The following GABRP variants were observed in gnomAD, a reference collection of about 807,000 sequenced individuals.
GABRP encodes gamma-aminobutyric acid type A receptor subunit pi.
In GABRP, 52 loss-of-function variants were observed where a neutral mutation model predicts 47.8. The observed-to-expected ratio is 1.09, with a 90% confidence interval of 0.87 to 1.37. GABRP has a LOEUF of 1.37. Among genes scored for constraint, GABRP ranks in the 40% most tolerant of loss-of-function variants. The pLI is 0.00. For synonymous variants in GABRP, 221 were observed against 205.8 expected, an observed-to-expected ratio of 1.07 and a Z score of -0.63; for missense variants, 525 against 542.8, an observed-to-expected ratio of 0.97 and a Z score of 0.33.
chr5:170,785,649 G>T (rs1319461513), intron 1 of GABRP, among the ~76,000 whole-genome samples: 1 of 152,186 alleles, frequency 6.6e-6, no homozygotes, highest in Non-Finnish European at 1.5e-5. Flanking sequence ...ACAGAAGTTT[G>T]GCCACTGGGA....
chr5:170,784,758 G>A (rs1765086601), intron 1 of GABRP, among the ~76,000 whole-genome samples: 1 of 152,198 alleles, frequency 6.6e-6, no homozygotes, highest in Non-Finnish European at 1.5e-5. Flanking sequence ...TTTGTCAGAT[G>A]GGAAAACTGA....
chr5:170,791,155 G>A (rs906048849), intron 3 of GABRP, among the ~76,000 whole-genome samples: 4 of 152,206 alleles, frequency 2.6e-5, no homozygotes, highest in Non-Finnish European at 5.9e-5. Flanking sequence ...CAAGGTGCAG[G>A]GTCCTTGGGC....
Position 170,805,834 on chromosome 5 carries a change from C to G in GABRP, c.660C>G (p.Thr220=). ...TAGAGCGGTATTTCACCTTAGTCAC[C>G]AGATCGCAGCAGGAGACAGGTAACT... is the stretch of plus-strand genomic sequence containing the variant. ...YTIERYFTLV[T]RSQQETGNYT... Residue 220 remains threonine, a synonymous_variant, in exon 7 of 10, where the codon ACC becomes ACG. Coordinates refer to ENST00000265294, the MANE Select transcript of GABRP (RefSeq NM_014211.3). 2 of 1,614,104 alleles carry G rather than the reference C, an allele frequency of 1.2e-6. No homozygotes were observed. Among genetic ancestry groups the G allele is most frequent in the South Asian group, 2.2e-5 (2 of 91,064 alleles).
chr5:170,803,137 T>C (rs543157915), intron 6 of GABRP, among the ~76,000 whole-genome samples: 5 of 152,264 alleles, frequency 3.3e-5, no homozygotes, highest in African/African-American at 1.2e-4. Context: ...TTTGGATGCT[T>C]CCAAGGGAAA....
At chr5:170,805,251 A>T (rs543445881) in intron 6 of GABRP, among the ~76,000 whole-genome samples, 1 of 152,084 alleles carries the variant, frequency 6.6e-6, no homozygotes, top group South Asian at 2.1e-4. Flanking sequence ...TCTAACGTGC[A>T]TTTTTACAGG....
chr5:170,799,501 T>C (rs1489407903), intron 6 of GABRP, among the ~76,000 whole-genome samples: 3 of 152,220 alleles, frequency 2.0e-5, no homozygotes, highest in African/African-American at 7.2e-5. Flanking sequence ...TATCTCCTTG[T>C]GGTTTTGATT....
chr5:170,811,557 CA>C (rs1163070006), intron 9 of GABRP, among the ~76,000 whole-genome samples: 2 of 152,146 alleles, frequency 1.3e-5, no homozygotes, highest in Non-Finnish European at 2.9e-5. Context: ...CTCAAGATGG[CA>C]ATACCAATCA....
Position 170,812,124 on chromosome 5 carries a change from G to A in GABRP, c.1189G>A (p.Glu397Lys), listed in dbSNP as rs908306825. Reference protein sequence around the residue: ...TSDKFKFVFREKMGRIVDYFT... With the variant: ...TSDKFKFVFRKKMGRIVDYFT... ...CGACAAGTTCAAGTTTGTCTTCCGA[G>A]AAAAGATGGGCAGGATTGTTGATTA... The change falls in exon 10 of 10, where the codon GAA becomes AAA. Residue 397 changes from glutamate to lysine, a missense_variant. Physicochemically the swap from Glu to Lys is moderately conservative, Grantham distance 56 (BLOSUM62 1). Transcript: ENST00000265294. The A allele has an allele frequency of 6.2e-6, 10 of 1,614,014 alleles. No individual in the cohort carries two copies. The African/African-American group carries it at 1.3e-4, about 22-fold the overall frequency.
chr5:170,813,900 T>C lies in GABRP; in HGVS notation c.*1642T>C, dbSNP rs955559622. On this transcript the variant is annotated 3_prime_UTR_variant, in exon 10 of 10. Transcript: ENST00000265294. ...GGTGAAAAGAGGTGAAATGTGGTTG[T>C]ATGAGCCAATCATATTTGTGATTTT... is the stretch of plus-strand genomic sequence containing the variant. 5 of 152,172 alleles carry C rather than the reference T, an allele frequency of 3.3e-5. No individual in the cohort carries two copies. Among genetic ancestry groups the C allele is most frequent in the Non-Finnish European group, 5.9e-5 (4 of 68,036 alleles). 9.4% of individuals were successfully genotyped at this position (152,172 alleles called of 1,614,324 possible).
At position 170,797,488 on chromosome 5, in the gene GABRP, A is replaced by G. The variant is rs759922376; in HGVS notation, c.481A>G (p.Asn161Asp). The G allele has an allele frequency of 1.9e-6, 3 of 1,612,198 alleles. No homozygotes were observed. The highest frequency in any genetic ancestry group is 2.5e-6 in the Non-Finnish European group (3 of 1,178,218). ...TAGAATCACGACAACTGTTGCATGT[A>G]ACATGGATCTGTCTAAATACCCCAT... ...ALRITTTVAC[N>D]MDLSKYPMDT... Residue 161 changes from asparagine (N) to aspartate (D), a missense_variant, in exon 6 of 10, where the codon AAC becomes GAC. Physicochemically the swap from Asn to Asp is conservative, Grantham distance 23 (BLOSUM62 1). Transcript: ENST00000265294.
chr5:170,811,864 C>CT (rs1765892324), intron 9 of GABRP, 92 bp from the exon 10 acceptor site: 1 of 1,159,476 alleles, frequency 8.6e-7, no homozygotes, highest in African/African-American at 1.5e-5. Context: ...TTATTCAACA[C>CT]TTAGGCCTCT....
chr5:170,785,879 C>A (rs1412931570), intron 1 of GABRP, among the ~76,000 whole-genome samples: 1 of 152,216 alleles, frequency 6.6e-6, no homozygotes, highest in African/African-American at 2.4e-5. Flanking sequence ...GCCTGCACAT[C>A]TCTGTCCAAC....
chr5:170,788,505 A>T, intron 1 of GABRP, 69 bp from the exon 2 acceptor site: 1 of 1,024,338 alleles, frequency 9.8e-7, no homozygotes, highest in Non-Finnish European at 1.5e-6. Context: ...CCCACCAGAG[A>T]GAGAGGCTGG....
chr5:170,799,058 G>A (rs1190522299), intron 6 of GABRP, among the ~76,000 whole-genome samples: 2 of 149,920 alleles, frequency 1.3e-5, no homozygotes, highest in South Asian at 4.2e-4. Context: ...GTGATAGTTT[G>A]CTGAGAATGA....
At chr5:170,805,938 C>T in intron 7 of GABRP, 85 bp downstream of exon 7, 3 of 1,449,266 alleles carry the variant, frequency 2.1e-6, no homozygotes, top group Non-Finnish European at 2.8e-6. Flanking sequence ...ATCGTCTTCT[C>T]ACTTTACCTC....
rs1765912863 is a variant in GABRP, at chr5:170,812,303, A to AGATAAT, written c.*49_*54dup. ...CATGCCATAGGTCTTCAACAGGACA[A>AGATAAT]GATAATGATGTAAATGGTATTTTAG... On this transcript the variant is annotated 3_prime_UTR_variant, in exon 10 of 10. Coordinates refer to ENST00000265294, the MANE Select transcript of GABRP (RefSeq NM_014211.3). The AGATAAT allele has an allele frequency of 6.8e-7, 1 of 1,479,242 alleles. No homozygotes were observed. Among genetic ancestry groups the AGATAAT allele is most frequent in the Admixed American group, 1.8e-5 (1 of 56,686 alleles). 91.6% of individuals were successfully genotyped at this position (1,479,242 alleles called of 1,614,324 possible).
intron 6 of GABRP, among the ~76,000 whole-genome samples, chr5:170,802,432 A>G (rs1765620550): frequency 6.6e-6 from 1 of 152,242 alleles, no homozygotes; most frequent in South Asian, 2.1e-4. Flanking sequence ...CATTTTTCAG[A>G]AGCAGACATT....
intron 1 of GABRP, among the ~76,000 whole-genome samples, chr5:170,787,192 G>A (rs1418763035): frequency 3.3e-5 from 5 of 152,196 alleles, no homozygotes; most frequent in African/African-American, 9.7e-5. Context: ...AACAGTGAGC[G>A]AGTATTGGTT....
At chr5:170,790,407 G>A (rs1450762000) in intron 3 of GABRP, among the ~76,000 whole-genome samples, 1 of 152,012 alleles carries the variant, frequency 6.6e-6, no homozygotes, top group East Asian at 1.9e-4. Flanking sequence ...CAGAGTGTGG[G>A]TTATTTTCAT....
Sources: gnomAD v4.1 joint callset for allele counts (sites outside exome capture counted in the v4.1 genomes callset) on GRCh38, gnomAD v4.1.1 for gene constraint, MANE v1.5 for transcripts, NCBI Gene and HGNC (gene_info 2026-07-23, HGNC 2026-07-21) for gene names.